The following RAB28 variants were observed in gnomAD, a reference collection of about 807,000 sequenced individuals.
The protein encoded by RAB28 is ras-related protein Rab-28.
In RAB28, 24 loss-of-function variants were observed where a neutral mutation model predicts 31.7. That is an observed-to-expected ratio of 0.76 (90% CI 0.55 to 1.06). The LOEUF is 1.06. Ranked by LOEUF, RAB28 falls within the 50% of genes least tolerant of loss-of-function variation. RAB28 has a pLI of 0.00. For synonymous variants in RAB28, 100 were observed against 90.4 expected (o/e 1.11, Z -0.60); for missense variants, 254 against 258.5 (o/e 0.98, Z 0.12).
chr4:13,476,758 C>A (rs1716380703), intron 2 of RAB28, among the ~76,000 whole-genome samples: 1 of 151,306 alleles, frequency 6.6e-6, no homozygotes, highest in South Asian at 2.1e-4. Flanking sequence ...AAGAATATAT[C>A]TAATACAAAT....
At chr4:13,461,353 T>C (rs1715581609) in intron 3 of RAB28, among the ~76,000 whole-genome samples, 1 of 152,224 alleles carries the variant, frequency 6.6e-6, no homozygotes, top group East Asian at 1.9e-4. Context: ...CACTGTGCAT[T>C]TGGAGAACTT....
intron 3 of RAB28, among the ~76,000 whole-genome samples, chr4:13,470,809 T>C (rs1174151964): frequency 6.6e-6 from 1 of 152,132 alleles, no homozygotes; most frequent in Non-Finnish European, 1.5e-5. Context: ...TTAGAACTAG[T>C]TCTTGTCAAA....
chr4:13,371,250 G>A, intron 6 of RAB28: 1 of 985,356 alleles, frequency 1.0e-6, no homozygotes, highest in Non-Finnish European at 1.2e-6. Context: ...CACTCTGCCT[G>A]ATGCTATCAA....
chr4:13,415,086 T>C (rs553464305), intron 4 of RAB28, among the ~76,000 whole-genome samples: 1 of 152,220 alleles, frequency 6.6e-6, no homozygotes, highest in Non-Finnish European at 1.5e-5. Flanking sequence ...AGATGTAAGC[T>C]ATAGGTAAGG....
intron 4 of RAB28, among the ~76,000 whole-genome samples, chr4:13,385,386 C>T (rs112133497): frequency 0.032 from 4,924 of 152,092 alleles, 116 homozygotes; most frequent in African/African-American, 0.067. Context: ...AGATCATCCC[C>T]AAGACACATA....
chr4:13,463,889 T>TA (rs370518006), intron 3 of RAB28, among the ~76,000 whole-genome samples: 2,132 of 150,948 alleles, frequency 0.014, 24 homozygotes, highest in Middle Eastern at 0.044. Context: ...CTCTGACATG[T>TA]AAAAAAAAAC....
rs755363569 is a variant in RAB28, at chr4:13,484,184, G to A, written c.-34C>T. The A allele has an allele frequency of 2.0e-6, 3 of 1,510,400 alleles. No individual in the cohort carries two copies. Among genetic ancestry groups the A allele is most frequent in the South Asian group, 2.4e-5 (2 of 83,638 alleles). The allele number at this position is 1,510,400 out of a possible 1,614,324, so 93.6% of individuals were successfully genotyped here. A position where few individuals can be genotyped will look rare whatever the true frequency, so the allele number is the denominator to read the frequency against. ...GGGAACCAGGCCCGCCCCTCGAGGT[G>A]GGGGGGGAAGGGAAGGATGAAGGCT... On this transcript the variant is annotated 5_prime_UTR_variant, in exon 1 of 7. Transcript: ENST00000330852.
chr4:13,473,819 C>T (rs1348113299), intron 3 of RAB28: 5 of 379,520 alleles, frequency 1.3e-5, no homozygotes, highest in African/African-American at 8.6e-5. Context: ...ATGTGTTTCA[C>T]ATATACACTG....
At chr4:13,380,584 G>A (rs900425851) in intron 5 of RAB28, among the ~76,000 whole-genome samples, 2 of 151,110 alleles carry the variant, frequency 1.3e-5, no homozygotes, top group Non-Finnish European at 3.0e-5. Flanking sequence ...TTCTTTTTTG[G>A]GGCCTACCAA....
intron 4 of RAB28, among the ~76,000 whole-genome samples, chr4:13,443,122 C>A (rs981955960): frequency 3.3e-5 from 5 of 151,304 alleles, no homozygotes; most frequent in Non-Finnish European, 7.4e-5. Flanking sequence ...CAAGTTAGGG[C>A]TATGAAAGAG....
intron 3 of RAB28, among the ~76,000 whole-genome samples, chr4:13,469,309 A>G (rs908888177): frequency 6.6e-6 from 1 of 152,054 alleles, no homozygotes; most frequent in African/African-American, 2.4e-5. Flanking sequence ...TTTTGTTATC[A>G]ACCACATATC....
intron 4 of RAB28, among the ~76,000 whole-genome samples, chr4:13,421,509 T>G (rs1713143468): frequency 6.6e-6 from 1 of 151,568 alleles, no homozygotes; most frequent in South Asian, 2.1e-4. Flanking sequence ...CAAACTATAC[T>G]ACAAGGCTAC....
At chr4:13,479,357 CATTT>C in intron 2 of RAB28, 69 bp downstream of exon 2, 1 of 1,126,400 alleles carries the variant, frequency 8.9e-7, no homozygotes, top group Admixed American at 2.2e-5. Flanking sequence ...AAATTTTACA[CATTT>C]CTTTCTTATG....
chr4:13,424,219 T>C (rs1713345225), intron 4 of RAB28, among the ~76,000 whole-genome samples: 1 of 152,224 alleles, frequency 6.6e-6, no homozygotes. Context: ...ACTGTGTGGC[T>C]TAAACCAACA....
At chr4:13,444,344 T>A (rs910389689) in intron 4 of RAB28, among the ~76,000 whole-genome samples, 2 of 152,136 alleles carry the variant, frequency 1.3e-5, no homozygotes, top group African/African-American at 4.8e-5. Flanking sequence ...CCTTCTTTTT[T>A]AAGGCTGAAT....
At chr4:13,408,561 A>G (rs1712237910) in intron 4 of RAB28, among the ~76,000 whole-genome samples, 1 of 152,060 alleles carries the variant, frequency 6.6e-6, no homozygotes, top group Non-Finnish European at 1.5e-5. Flanking sequence ...CACTTTTTCT[A>G]TTGCTTGGAA....
chr4:13,464,417 G>C (rs1038427083), intron 3 of RAB28, among the ~76,000 whole-genome samples: 2 of 152,170 alleles, frequency 1.3e-5, no homozygotes, highest in East Asian at 3.9e-4. Flanking sequence ...CCCTGTAGCC[G>C]GTCTGTCTCA....
At chr4:13,424,546 C>G (rs1713364521) in intron 4 of RAB28, among the ~76,000 whole-genome samples, 1 of 152,126 alleles carries the variant, frequency 6.6e-6, no homozygotes. Flanking sequence ...AAGATCACAC[C>G]CACAGGTACT....
chr4:13,368,568 G>T lies in RAB28; in HGVS notation c.656C>A (p.Ala219Glu). The T allele has an allele frequency of 1.2e-6, 2 of 1,610,996 alleles. No individual in the cohort carries two copies. The highest frequency in any genetic ancestry group is 2.2e-5 in the South Asian group (2 of 90,828). The change falls in exon 7 of 7, where the codon GCA becomes GAA. Residue 219 changes from alanine (A) to glutamate (E), a missense_variant. Ala to Glu is a moderately radical substitution (Grantham distance 107). Transcript: ENST00000330852. ...TVNPPRSSMC[A>E]VQ ...AAAAGAAAAATGCGCTCACTGAACT[G>T]CACACATAGAGCTTCTAGGAGGGTT...
Sources: gnomAD v4.1 joint callset for allele counts (sites outside exome capture counted in the v4.1 genomes callset) on GRCh38, gnomAD v4.1.1 for gene constraint, MANE v1.5 for transcripts, NCBI Gene and HGNC (gene_info 2026-07-23, HGNC 2026-07-21) for gene names.